Variants in LIPC observed in about 807,000 individuals in gnomAD.
The protein encoded by LIPC is lipase C, hepatic type, also known as hepatic triacylglycerol lipase.
In LIPC, 44 loss-of-function variants were observed where a neutral mutation model predicts 50.7. That is an observed-to-expected ratio of 0.87 (90% CI 0.68 to 1.11). LIPC has a LOEUF of 1.11. Ranked by LOEUF, LIPC falls within the 50% of genes most tolerant of loss-of-function variation. The probability of loss-of-function intolerance (pLI) is 0.00; values close to 1 mark genes in which losing one functional copy is unlikely to be tolerated. For missense variants in LIPC, 697 were observed against 648.2 expected, an observed-to-expected ratio of 1.08 and a Z score of -0.82; for synonymous variants, 271 against 256.4, an observed-to-expected ratio of 1.06 and a Z score of -0.54.
At chr15:58,527,388 G>A (rs890533130) in intron 1 of LIPC, among the ~76,000 whole-genome samples, 7 of 152,190 alleles carry the variant, frequency 4.6e-5, no homozygotes, top group Non-Finnish European at 8.8e-5. Flanking sequence ...GGTGCATGCT[G>A]CAGCCATGAC....
At chr15:58,568,422 C>G (rs1263225261) in intron 8 of LIPC, among the ~76,000 whole-genome samples, 1 of 152,202 alleles carries the variant, frequency 6.6e-6, no homozygotes, top group Admixed American at 6.5e-5. Flanking sequence ...ACCCTCAAAT[C>G]TTCGATGAGC....
At position 58,540,824 on chromosome 15, in the gene LIPC, G is replaced by T. The variant is rs544543231; in HGVS notation, c.274-961G>T. Among the ~76,000 whole-genome samples, 11 of 152,100 alleles carry T rather than the reference G, an allele frequency of 7.2e-5. No individual in the cohort carries two copies. The South Asian group carries it at 2.1e-3, about 29-fold the overall frequency. ...TTGTTTCTTTGTTTTGTTTTGTTGC[G>T]ATAGGGTCTCACTCTATCGCCCAGG... On this transcript the variant is annotated intron_variant, in intron 2 of 8. Coordinates refer to ENST00000299022, the MANE Select transcript of LIPC (RefSeq NM_000236.3).
intron 1 of LIPC, among the ~76,000 whole-genome samples, chr15:58,529,870 A>T (rs1298645822): frequency 6.6e-6 from 1 of 152,214 alleles, no homozygotes; most frequent in African/African-American, 2.4e-5. Flanking sequence ...TACCAATAAA[A>T]GGTCCCTGGT....
chr15:58,524,478 A>G lies in LIPC; in HGVS notation c.89-13855A>G, dbSNP rs556214196. ...CCCATGCAGGAAATGCTGAGTAAAG[A>G]GAAAATGCATTTGTAACTTTCATAG... On this transcript the variant is annotated intron_variant, in intron 1 of 8. Transcript: ENST00000299022. Among the ~76,000 whole-genome samples, 176 of 152,332 alleles carry G rather than the reference A, an allele frequency of 1.2e-3. 3 individuals carry two copies. In the South Asian group the frequency reaches 0.031, roughly 27 times the overall value.
At chr15:58,564,005 C>T in intron 8 of LIPC, 1 of 459,350 alleles carries the variant, frequency 2.2e-6, no homozygotes, top group Non-Finnish European at 4.1e-6. Context: ...CACACGAACC[C>T]CAGGCTTCTC....
chr15:58,490,484 G>A (rs1323316455), intron 1 of LIPC, among the ~76,000 whole-genome samples: 2 of 152,188 alleles, frequency 1.3e-5, no homozygotes, highest in Admixed American at 6.5e-5. Context: ...TCCACTGAGA[G>A]CCGGCGCCGT....
chr15:58,496,888 T>C (rs1038538132), intron 1 of LIPC, among the ~76,000 whole-genome samples: 1 of 152,188 alleles, frequency 6.6e-6, no homozygotes, highest in African/African-American at 2.4e-5. Flanking sequence ...TTTCACTATG[T>C]TGGCCAGGCT....
chr15:58,477,609 T>C (rs1263945924), intron 1 of LIPC, among the ~76,000 whole-genome samples: 2 of 152,188 alleles, frequency 1.3e-5, no homozygotes, highest in Non-Finnish European at 2.9e-5. Context: ...CCTTTACCCT[T>C]GTAGAAGACA....
In LIPC at chr15:58,569,482, T is replaced by C. The variant is rs906720499; in HGVS notation, c.*655T>C. 3 of 152,226 alleles carry C rather than the reference T, an allele frequency of 2.0e-5. No individual in the cohort carries two copies. The highest frequency in any genetic ancestry group is 7.2e-5 in the African/African-American group (3 of 41,460). The allele number at this position is 152,226 out of a possible 1,614,324, so 9.4% of individuals were successfully genotyped here. On this transcript the variant is annotated 3_prime_UTR_variant, in exon 9 of 9. Coordinates refer to ENST00000299022, the MANE Select transcript of LIPC (RefSeq NM_000236.3). ...AAACATAATTATTATATCTTACTAA[T>C]GCTTGCAACAAAAGCTAATTTTAAA...
intron 1 of LIPC, among the ~76,000 whole-genome samples, chr15:58,432,585 T>C (rs769633480): frequency 3.9e-5 from 6 of 152,168 alleles, no homozygotes; most frequent in Non-Finnish European, 7.3e-5. Context: ...AGGTCTAAAG[T>C]AGAGATATCA....
chr15:58,565,166 C>T lies in LIPC; in HGVS notation c.1388+1443C>T, dbSNP rs553599768. ...GGCAATTACTGAGAGCATACTCTGC[C>T]GTCTGCCAACAGATCTCCCAACAGG... On this transcript the variant is annotated intron_variant, in intron 8 of 8. Coordinates refer to ENST00000299022, the MANE Select transcript of LIPC (RefSeq NM_000236.3). The T allele has an allele frequency of 2.3e-4, 349 of 1,532,160 alleles. 4 individuals are homozygous for T. The South Asian group carries it at 3.8e-3, about 17-fold the overall frequency. The allele number at this position is 1,532,160 out of a possible 1,614,324, so 94.9% of individuals were successfully genotyped here.
intron 1 of LIPC, chr15:58,523,264 A>C (rs184255889): frequency 3.3e-5 from 5 of 152,478 alleles, no homozygotes; most frequent in African/African-American, 1.2e-4. Flanking sequence ...GCCAGAGATG[A>C]AGCAGCTGAT....
At chr15:58,499,106 C>G (rs919669501) in intron 1 of LIPC, among the ~76,000 whole-genome samples, 5 of 152,170 alleles carry the variant, frequency 3.3e-5, no homozygotes, top group African/African-American at 1.2e-4. Context: ...GAGACAGTGC[C>G]TGCCAGTGAC....
chr15:58,543,980 T>C (rs1470725709), intron 4 of LIPC, among the ~76,000 whole-genome samples: 1 of 152,208 alleles, frequency 6.6e-6, no homozygotes, highest in South Asian at 2.1e-4. Flanking sequence ...TAAAAGAATT[T>C]CTTTTAACTT....
chr15:58,463,383 A>G (rs1481535977), intron 1 of LIPC, among the ~76,000 whole-genome samples: 2 of 152,226 alleles, frequency 1.3e-5, no homozygotes, highest in East Asian at 3.9e-4. Flanking sequence ...TCTGTGACCC[A>G]GACCACACCA....
At chr15:58,487,933 G>T (rs184690190) in intron 1 of LIPC, among the ~76,000 whole-genome samples, 1 of 152,272 alleles carries the variant, frequency 6.6e-6, no homozygotes, top group East Asian at 1.9e-4. Context: ...TAGCCATATG[G>T]CCTGGGGCAA....
At chr15:58,446,086 T>G (rs1044271875) in intron 1 of LIPC, among the ~76,000 whole-genome samples, 7 of 152,216 alleles carry the variant, frequency 4.6e-5, no homozygotes, top group South Asian at 2.1e-4. Flanking sequence ...GTGTGTGACT[T>G]GTAAAACCAG....
intron 1 of LIPC, among the ~76,000 whole-genome samples, chr15:58,463,389 C>G (rs1016030454): frequency 3.9e-5 from 6 of 152,232 alleles, no homozygotes; most frequent in Non-Finnish European, 7.3e-5. Flanking sequence ...ACCCAGACCA[C>G]ACCAAGCTTT....
At chr15:58,476,610 C>T (rs1214131238) in intron 1 of LIPC, among the ~76,000 whole-genome samples, 6 of 152,220 alleles carry the variant, frequency 3.9e-5, no homozygotes, top group African/African-American at 9.7e-5. Flanking sequence ...GTGGACCTCA[C>T]CCTGCCGGCT....
Sources: allele counts gnomAD v4.1 joint callset (sites outside exome capture counted in the v4.1 genomes callset), GRCh38; gene constraint gnomAD v4.1.1; transcripts MANE v1.5; gene names NCBI Gene and HGNC (gene_info 2026-07-23, HGNC 2026-07-21).